Variants in PALM2AKAP2 observed in about 807,000 individuals in gnomAD.
The protein encoded by PALM2AKAP2 is PALM2-AKAP2 fusion protein.
A neutral mutation model predicts 71.5 loss-of-function variants in PALM2AKAP2; 37 were observed. The ratio of observed to expected loss-of-function variants is 0.52; its 90% CI spans 0.40 to 0.68. The LOEUF (loss-of-function observed/expected upper bound fraction) is 0.68, where lower values mean the gene tolerates loss of function less well. PALM2AKAP2 is among the 30% of genes least tolerant of loss of function. The pLI is 0.00. For synonymous variants in PALM2AKAP2, 468 were observed against 478.8 expected (o/e 0.98, Z 0.29); for missense variants, 1,224 against 1,191.8 (o/e 1.03, Z -0.40).
intron 3 of PALM2AKAP2, among the ~76,000 whole-genome samples, chr9:109,905,546 G>A (rs545000109): frequency 1.3e-5 from 2 of 152,364 alleles, no homozygotes; most frequent in East Asian, 1.9e-4. Context: ...CGATCTACCC[G>A]CAGCACATGC....
At chr9:109,663,330 A>G (rs913815990) in intron 1 of PALM2AKAP2, among the ~76,000 whole-genome samples, 3 of 152,200 alleles carry the variant, frequency 2.0e-5, no homozygotes, top group African/African-American at 4.8e-5. Context: ...ATTTAGTGCT[A>G]TAAATTTCCC....
intron 1 of PALM2AKAP2, among the ~76,000 whole-genome samples, chr9:109,661,985 A>G (rs1389542211): frequency 2.6e-5 from 4 of 152,188 alleles, no homozygotes; most frequent in Non-Finnish European, 4.4e-5. Context: ...AATGGTGTAT[A>G]AGAATGCTTG....
intron 1 of PALM2AKAP2, among the ~76,000 whole-genome samples, chr9:109,841,918 G>T (rs575423794): frequency 2.4e-5 from 3 of 126,078 alleles, no homozygotes; most frequent in South Asian, 3.3e-4. Context: ...AGAGGGGAGG[G>T]TGGAAGGGTA....
At chr9:109,822,578 C>T (rs137926922) in intron 1 of PALM2AKAP2, among the ~76,000 whole-genome samples, 90 of 152,228 alleles carry the variant, frequency 5.9e-4, no homozygotes, top group African/African-American at 2.1e-3. Context: ...TCTTTTTGTC[C>T]ATGGTATACT....
intron 6 of PALM2AKAP2, among the ~76,000 whole-genome samples, chr9:109,933,457 C>A (rs1228266018): frequency 1.3e-5 from 2 of 152,142 alleles, no homozygotes; most frequent in Admixed American, 1.3e-4. Flanking sequence ...AGGATATGAT[C>A]CAACATATGG....
At chr9:109,977,923 A>G (rs1165356138) in intron 6 of PALM2AKAP2, among the ~76,000 whole-genome samples, 2 of 152,146 alleles carry the variant, frequency 1.3e-5, no homozygotes, top group Non-Finnish European at 2.9e-5. Flanking sequence ...TAGCTTAGAT[A>G]GTTGTCCATC....
At chr9:109,782,558 T>C (rs1826833056) in intron 1 of PALM2AKAP2, among the ~76,000 whole-genome samples, 1 of 152,126 alleles carries the variant, frequency 6.6e-6, no homozygotes, top group Admixed American at 6.5e-5. Context: ...TTATAAATAA[T>C]CTGAAAATGA....
chr9:110,090,364 T>C (rs1295593064), intron 1 of PALM2AKAP2: 1 of 456,726 alleles, frequency 2.2e-6, no homozygotes, highest in South Asian at 1.5e-5. Context: ...CAGATATAAC[T>C]GAGGGAAAGT....
At chr9:110,001,499 T>G (rs1360770615) in intron 6 of PALM2AKAP2, among the ~76,000 whole-genome samples, 3 of 152,248 alleles carry the variant, frequency 2.0e-5, no homozygotes, top group Non-Finnish European at 4.4e-5. Context: ...CAATGCAGGC[T>G]CTTTTTTGGT....
chr9:110,127,082 A>C (rs140871266), intron 1 of PALM2AKAP2, among the ~76,000 whole-genome samples: 123 of 152,336 alleles, frequency 8.1e-4, no homozygotes, highest in African/African-American at 2.7e-3. Context: ...ATAGCAGAAC[A>C]GTGATTACTC....
intron 7 of PALM2AKAP2, among the ~76,000 whole-genome samples, chr9:110,034,554 T>C (rs1247381199): frequency 1.3e-5 from 2 of 151,900 alleles, no homozygotes; most frequent in Non-Finnish European, 2.9e-5. Context: ...GACCATAGCG[T>C]ATGCTTTCCC....
At chr9:109,818,430 G>C (rs1827905271) in intron 1 of PALM2AKAP2, among the ~76,000 whole-genome samples, 1 of 152,152 alleles carries the variant, frequency 6.6e-6, no homozygotes, top group African/African-American at 2.4e-5. Flanking sequence ...GAAGTGGCTA[G>C]CAATTTCTAT....
At chr9:110,091,548 T>C (rs558028) in intron 1 of PALM2AKAP2, among the ~76,000 whole-genome samples, 146,869 of 148,742 alleles carry the variant, frequency 0.99, 72,522 homozygotes, top group East Asian at 1. Flanking sequence ...CTGCAATCTC[T>C]ACCTCCCGGG....
At chr9:109,992,188 G>A (rs79273517) in intron 6 of PALM2AKAP2, among the ~76,000 whole-genome samples, 3,574 of 152,206 alleles carry the variant, frequency 0.023, 95 homozygotes, top group East Asian at 0.14. Context: ...TCTGCTCCCC[G>A]AAGCATTGCT....
intron 1 of PALM2AKAP2, among the ~76,000 whole-genome samples, chr9:109,717,107 G>A (rs771427521): frequency 6.6e-6 from 1 of 152,150 alleles, no homozygotes; most frequent in Non-Finnish European, 1.5e-5. Context: ...GCAAGTTAGG[G>A]TTAAGTGTCA....
At chr9:109,992,136 T>A (rs1832495677) in intron 6 of PALM2AKAP2, among the ~76,000 whole-genome samples, 1 of 152,172 alleles carries the variant, frequency 6.6e-6, no homozygotes, top group South Asian at 2.1e-4. Flanking sequence ...AGGGCTATAC[T>A]CTCTCTGAAG....
At chr9:109,901,426 A>G (rs1830328921) in intron 3 of PALM2AKAP2, among the ~76,000 whole-genome samples, 1 of 152,178 alleles carries the variant, frequency 6.6e-6, no homozygotes, top group Non-Finnish European at 1.5e-5. Context: ...TCCTGCTTTC[A>G]CTGAGTCACT....
At chr9:109,940,853 A>C (rs1240800386) in intron 6 of PALM2AKAP2, among the ~76,000 whole-genome samples, 1 of 152,114 alleles carries the variant, frequency 6.6e-6, no homozygotes, top group African/African-American at 2.4e-5. Context: ...CATGCTGGGG[A>C]GTTTGGTGTT....
intron 3 of PALM2AKAP2, among the ~76,000 whole-genome samples, chr9:110,159,932 T>G (rs970459648): frequency 6.6e-6 from 1 of 152,232 alleles, no homozygotes; most frequent in East Asian, 1.9e-4. Flanking sequence ...TTGAGCAAAG[T>G]ACTCCCTTTA....
Sources: gnomAD v4.1 joint callset for allele counts (sites outside exome capture counted in the v4.1 genomes callset) on GRCh38, gnomAD v4.1.1 for gene constraint, MANE v1.5 for transcripts, NCBI Gene and HGNC (gene_info 2026-07-23, HGNC 2026-07-21) for gene names.